Variants in STOX1 observed in about 807,000 individuals in gnomAD.
STOX1 encodes storkhead-box protein 1.
A neutral mutation model predicts 74.8 loss-of-function variants in STOX1; 57 were observed. That is an observed-to-expected ratio of 0.76 (90% CI 0.62 to 0.95). STOX1 has a LOEUF of 0.95. STOX1 is among the 40% of genes least tolerant of loss of function. The probability of loss-of-function intolerance (pLI) is 0.00; values close to 1 mark genes in which losing one functional copy is unlikely to be tolerated. For synonymous variants in STOX1, 375 were observed against 401.3 expected (o/e 0.93, Z 0.78); for missense variants, 1,010 against 1,117.0 (o/e 0.90, Z 1.37).
At chr10:68,869,017 C>T (rs1193259141) in intron 1 of STOX1, among the ~76,000 whole-genome samples, 2 of 152,228 alleles carry the variant, frequency 1.3e-5, no homozygotes, top group African/African-American at 4.8e-5. Context: ...ACCTGACCAA[C>T]TCCACTATTC....
At chr10:68,875,740 C>T (rs1301984609) in intron 1 of STOX1, among the ~76,000 whole-genome samples, 3 of 152,180 alleles carry the variant, frequency 2.0e-5, no homozygotes, top group Non-Finnish European at 4.4e-5. Flanking sequence ...GCAAGTCACA[C>T]TTTCCCAGGG....
At chr10:68,859,619 G>T (rs952072934) in intron 1 of STOX1, among the ~76,000 whole-genome samples, 1 of 152,078 alleles carries the variant, frequency 6.6e-6, no homozygotes, top group African/African-American at 2.4e-5. Flanking sequence ...CAAATGTTTT[G>T]CTCACAGCAG....
chr10:68,874,660 C>CA (rs545162403), intron 1 of STOX1, among the ~76,000 whole-genome samples: 106 of 128,560 alleles, frequency 8.2e-4, no homozygotes, highest in Non-Finnish European at 1.3e-3. Flanking sequence ...GACTCCGTCT[C>CA]AAAAAAAAAA....
At chr10:68,869,666 A>G (rs993018293) in intron 1 of STOX1, among the ~76,000 whole-genome samples, 8 of 152,174 alleles carry the variant, frequency 5.3e-5, no homozygotes, top group Non-Finnish European at 1.0e-4. Flanking sequence ...TACTTAGCTG[A>G]AGGGTAGTAC....
intron 1 of STOX1, among the ~76,000 whole-genome samples, chr10:68,831,932 T>TTC (rs1277389427): frequency 1.3e-5 from 2 of 150,296 alleles, no homozygotes; most frequent in Non-Finnish European, 3.0e-5. Flanking sequence ...TTCTTTTCTT[T>TTC]TTTTTTTTTT....
intron 1 of STOX1, among the ~76,000 whole-genome samples, chr10:68,842,186 C>T (rs1222521787): frequency 6.6e-6 from 1 of 152,116 alleles, no homozygotes; most frequent in Non-Finnish European, 1.5e-5. Context: ...GATGTTATTC[C>T]CCAGACCTTC....
intron 1 of STOX1, among the ~76,000 whole-genome samples, chr10:68,869,988 C>A (rs947902113): frequency 6.6e-6 from 1 of 151,966 alleles, no homozygotes; most frequent in Non-Finnish European, 1.5e-5. Flanking sequence ...GGATTAGAAC[C>A]CCAATACCCT....
intron 3 of STOX1, among the ~76,000 whole-genome samples, chr10:68,889,144 C>G (rs548604098): frequency 1.1e-3 from 160 of 151,992 alleles, no homozygotes; most frequent in Non-Finnish European, 1.8e-3. Flanking sequence ...CTATACCCAG[C>G]TAATTTTTTG....
At chr10:68,852,526 G>A (rs983096031) in intron 1 of STOX1, among the ~76,000 whole-genome samples, 16 of 151,772 alleles carry the variant, frequency 1.1e-4, no homozygotes, top group South Asian at 6.2e-4. Flanking sequence ...CCAAAGTGCT[G>A]GGATTACAGG....
intron 1 of STOX1, among the ~76,000 whole-genome samples, chr10:68,850,058 A>C (rs1041323675): frequency 6.6e-6 from 1 of 152,144 alleles, no homozygotes; most frequent in East Asian, 1.9e-4. Context: ...GCTGTTGCCC[A>C]GGCTGGAGTC....
chr10:68,879,552 C>T (rs1393969600), intron 1 of STOX1, among the ~76,000 whole-genome samples: 1 of 152,170 alleles, frequency 6.6e-6, no homozygotes, highest in Admixed American at 6.5e-5. Flanking sequence ...TCATGTCCAC[C>T]ATCTCCACTA....
chr10:68,855,742 G>C (rs1589224460), intron 1 of STOX1, among the ~76,000 whole-genome samples: 1 of 150,614 alleles, frequency 6.6e-6, no homozygotes, highest in African/African-American at 2.5e-5. Flanking sequence ...ACTGCACCTG[G>C]CTAAAAAAAG....
intron 1 of STOX1, among the ~76,000 whole-genome samples, chr10:68,843,543 G>T (rs2497097): frequency 0.11 from 16,621 of 150,804 alleles, 958 homozygotes; most frequent in African/African-American, 0.15. Flanking sequence ...CGGTTTTTTT[G>T]TTGTTGTTGT....
chr10:68,892,286 A>G (rs1355429548), intron 3 of STOX1, among the ~76,000 whole-genome samples: 2 of 151,070 alleles, frequency 1.3e-5, no homozygotes, highest in Non-Finnish European at 2.9e-5. Flanking sequence ...CTTCAGATAT[A>G]TGGAAGTTTT....
downstream of STOX1, among the ~76,000 whole-genome samples, chr10:68,893,792 G>A (rs556477545): frequency 4.6e-5 from 7 of 152,320 alleles, no homozygotes; most frequent in East Asian, 1.4e-3. Flanking sequence ...AAGCAGAATG[G>A]TTACCGAATG....
chr10:68,850,244 A>C (rs770952148), intron 1 of STOX1, among the ~76,000 whole-genome samples: 1 of 152,162 alleles, frequency 6.6e-6, no homozygotes, highest in Non-Finnish European at 1.5e-5. Context: ...TCCTGACCTC[A>C]TGATCTGCCT....
At chr10:68,831,254 C>G (rs891253765) in intron 1 of STOX1, among the ~76,000 whole-genome samples, 1 of 152,132 alleles carries the variant, frequency 6.6e-6, no homozygotes, top group African/African-American at 2.4e-5. Context: ...ATGGCGCAAT[C>G]TCAGCTCACC....
chr10:68,830,895 A>G (rs1172522841), intron 1 of STOX1, among the ~76,000 whole-genome samples: 2 of 152,160 alleles, frequency 1.3e-5, no homozygotes, highest in African/African-American at 4.8e-5. Context: ...TTCTGGTCTA[A>G]CTTGGGGTCC....
At chr10:68,893,245 T>G (rs1376876653), downstream of STOX1, among the ~76,000 whole-genome samples, 1 of 152,236 alleles carries the variant, frequency 6.6e-6, no homozygotes, top group Non-Finnish European at 1.5e-5. Flanking sequence ...AGAAAGAGTT[T>G]ACATAAATGT....
Sources: gnomAD v4.1 joint callset for allele counts (sites outside exome capture counted in the v4.1 genomes callset) on GRCh38, gnomAD v4.1.1 for gene constraint, MANE v1.5 for transcripts, NCBI Gene and HGNC (gene_info 2026-07-23, HGNC 2026-07-21) for gene names.